Variants in CALCOCO2 observed in about 807,000 individuals in gnomAD.
CALCOCO2 encodes the protein calcium-binding and coiled-coil domain-containing protein 2.
In CALCOCO2, 42 loss-of-function variants were observed where a neutral mutation model predicts 62.5. The ratio of observed to expected loss-of-function variants is 0.67; its 90% CI spans 0.53 to 0.87. CALCOCO2 has a LOEUF of 0.87. Ranked by LOEUF, CALCOCO2 falls within the 40% of genes least tolerant of loss-of-function variation. CALCOCO2 has a pLI of 0.00. For synonymous variants in CALCOCO2, 167 were observed against 173.0 expected (o/e 0.97, Z 0.27); for missense variants, 456 against 515.0 (o/e 0.89, Z 1.11).
intron 2 of CALCOCO2, among the ~76,000 whole-genome samples, chr17:48,846,247 G>C (rs189795766): frequency 9.2e-5 from 14 of 152,016 alleles, no homozygotes; most frequent in Non-Finnish European, 2.1e-4. Context: ...AGTGATTCTC[G>C]TGTCTCAGCC....
intron 2 of CALCOCO2, among the ~76,000 whole-genome samples, chr17:48,842,991 C>G (rs1335566214): frequency 6.6e-6 from 1 of 152,156 alleles, no homozygotes; most frequent in East Asian, 1.9e-4. Flanking sequence ...TGAGACTAAA[C>G]ATTACTTCCT....
intron 1 of CALCOCO2, among the ~76,000 whole-genome samples, chr17:48,836,508 TTC>T (rs2039892283): frequency 6.6e-6 from 1 of 152,232 alleles, no homozygotes; most frequent in African/African-American, 2.4e-5. Flanking sequence ...ATCTTGTTAG[TTC>T]ATTTATCCAA....
chr17:48,846,334 A>C, intron 2 of CALCOCO2: 1 of 607,836 alleles, frequency 1.6e-6, no homozygotes, highest in Non-Finnish European at 2.9e-6. Context: ...AATATGTTAC[A>C]TCTTCTCTAT....
intron 10 of CALCOCO2, among the ~76,000 whole-genome samples, chr17:48,857,195 AC>A (rs2040228867): frequency 2.1e-5 from 2 of 97,388 alleles, no homozygotes; most frequent in Admixed American, 2.5e-4. Context: ...CTTCATCTTT[AC>A]CCTTTTTTTT....
At chr17:48,837,779 A>T (rs1277573724) in intron 1 of CALCOCO2, among the ~76,000 whole-genome samples, 1 of 152,196 alleles carries the variant, frequency 6.6e-6, no homozygotes, top group East Asian at 1.9e-4. Context: ...TAGTGCTCCA[A>T]AGTCCTGTTG....
At chr17:48,854,034 G>A (rs1408321858) in intron 9 of CALCOCO2, among the ~76,000 whole-genome samples, 5 of 152,116 alleles carry the variant, frequency 3.3e-5, no homozygotes, top group African/African-American at 4.8e-5. Flanking sequence ...CTATAGTCCC[G>A]GCTGGGTGCG....
At chr17:48,833,349 G>A (rs2039842802) in intron 1 of CALCOCO2, among the ~76,000 whole-genome samples, 1 of 152,136 alleles carries the variant, frequency 6.6e-6, no homozygotes, top group Admixed American at 6.5e-5. Context: ...GAGGTCAGGA[G>A]TTAGAGACCA....
chr17:48,859,023 G>A (rs899423530), intron 10 of CALCOCO2, among the ~76,000 whole-genome samples: 4 of 123,930 alleles, frequency 3.2e-5, no homozygotes, highest in African/African-American at 1.2e-4. Context: ...TCCAGCCTGG[G>A]CGACAGAGCA....
chr17:48,851,235 A>G (rs767014211), intron 6 of CALCOCO2, 58 bp downstream of exon 6: 7 of 930,508 alleles, frequency 7.5e-6, no homozygotes, highest in Non-Finnish European at 1.2e-5. Flanking sequence ...AGTACCCTTA[A>G]GTACAGTCAG....
chr17:48,840,700 C>A (rs1160283835), intron 1 of CALCOCO2, among the ~76,000 whole-genome samples: 1 of 152,170 alleles, frequency 6.6e-6, no homozygotes, highest in Non-Finnish European at 1.5e-5. Context: ...ATTTTCCTAA[C>A]CAGTTGCATC....
chr17:48,858,698 G>A (rs543998480), intron 10 of CALCOCO2, among the ~76,000 whole-genome samples: 12 of 151,882 alleles, frequency 7.9e-5, no homozygotes, highest in Non-Finnish European at 1.5e-4. Flanking sequence ...TTGATTGTGG[G>A]GGGGGGCAGG....
chr17:48,858,046 A>ATAGAATGTAGAATAGAATAG, intron 10 of CALCOCO2, among the ~76,000 whole-genome samples: 1 of 40,038 alleles, frequency 2.5e-5, no homozygotes, highest in African/African-American at 9.3e-5. Context: ...ATAGAATAGA[A>ATAGAATGTAGAATAGAATAG]AATAGAATAG....
intron 1 of CALCOCO2, among the ~76,000 whole-genome samples, chr17:48,832,807 T>C (rs1452665075): frequency 6.6e-6 from 1 of 152,214 alleles, no homozygotes; most frequent in Admixed American, 6.5e-5. Flanking sequence ...CTTTGAGCCT[T>C]TCAGAGTTTC....
chr17:48,844,362 G>T (rs922151551), intron 2 of CALCOCO2, among the ~76,000 whole-genome samples: 1 of 151,256 alleles, frequency 6.6e-6, no homozygotes, highest in South Asian at 2.1e-4. Flanking sequence ...TTGGAACATC[G>T]TTATATTTCT....
At chr17:48,855,166 T>C (rs2040196038) in intron 9 of CALCOCO2, among the ~76,000 whole-genome samples, 1 of 152,162 alleles carries the variant, frequency 6.6e-6, no homozygotes, top group African/African-American at 2.4e-5. Context: ...TCCCTGGAAA[T>C]ACTGGCCCCA....
intron 1 of CALCOCO2, among the ~76,000 whole-genome samples, chr17:48,837,393 C>T (rs59753208): frequency 0.11 from 17,189 of 151,952 alleles, 1,736 homozygotes; most frequent in African/African-American, 0.28. Context: ...GCCTGTAATC[C>T]CAGCACTTTG....
At chr17:48,853,248 A>T in intron 9 of CALCOCO2, 1 of 448,564 alleles carries the variant, frequency 2.2e-6, no homozygotes. Context: ...TCATGACAAG[A>T]TGTAGTTAAC....
intron 4 of CALCOCO2, chr17:48,848,679 G>A: frequency 1.7e-6 from 1 of 604,810 alleles, no homozygotes; most frequent in Admixed American, 2.7e-5. Flanking sequence ...AACTCAGCTG[G>A]CATTCAGTTA....
In CALCOCO2 at chr17:48,848,138, A is replaced by T. The variant is rs560158466; in HGVS notation, c.255A>T (p.Ser85=). The change falls in exon 3 of 13, where the codon TCA becomes TCT. Residue 85 remains serine (S), a synonymous_variant. Transcript: ENST00000258947. ...TGCCCATTGACCTAAACAACAAATC[A>T]GCTAAACAGCAGGAAGTCCAATTCA... ...VTLPIDLNNK[S]AKQQEVQFKA... The T allele has an allele frequency of 1.2e-6, 2 of 1,612,980 alleles. No individual in the cohort carries two copies. Among genetic ancestry groups the T allele is most frequent in the African/African-American group, 2.7e-5 (2 of 75,022 alleles).
Sources: allele counts gnomAD v4.1 joint callset (sites outside exome capture counted in the v4.1 genomes callset), GRCh38; gene constraint gnomAD v4.1.1; transcripts MANE v1.5; gene names NCBI Gene and HGNC (gene_info 2026-07-23, HGNC 2026-07-21).